The following TLL1 variants were observed in gnomAD, a reference collection of about 807,000 sequenced individuals.
The protein encoded by TLL1 is tolloid like 1.
In TLL1, 49 loss-of-function variants were observed where a neutral mutation model predicts 128.2. The ratio of observed to expected loss-of-function variants is 0.38; its 90% CI spans 0.30 to 0.48. The LOEUF is 0.48. TLL1 is among the 20% of genes least tolerant of loss of function. The pLI is 0.96. For synonymous variants in TLL1, 454 were observed against 418.8 expected (o/e 1.08, Z -1.03); for missense variants, 1,123 against 1,242.0 (o/e 0.90, Z 1.44).
At chr4:165,961,992 T>C (rs907607546) in intron 1 of TLL1, among the ~76,000 whole-genome samples, 1 of 151,986 alleles carries the variant, frequency 6.6e-6, no homozygotes, top group African/African-American at 2.4e-5. Flanking sequence ...GAAGAAAAAC[T>C]AAGAAATGTT....
chr4:166,074,409 A>G (rs1024631822), intron 16 of TLL1, among the ~76,000 whole-genome samples: 1 of 151,902 alleles, frequency 6.6e-6, no homozygotes. Flanking sequence ...GTGATTACAT[A>G]CAAATCTTGG....
intron 8 of TLL1, among the ~76,000 whole-genome samples, chr4:166,015,375 C>T (rs953471331): frequency 3.3e-5 from 5 of 151,958 alleles, no homozygotes; most frequent in Non-Finnish European, 7.4e-5. Context: ...TACAATAAAA[C>T]AATAACTATA....
chr4:166,057,083 T>C, intron 13 of TLL1, 101 bp from the exon 14 acceptor site: 1 of 1,367,168 alleles, frequency 7.3e-7, no homozygotes, highest in South Asian at 1.2e-5. Context: ...TTGGGAGATA[T>C]CATTCAAGGT....
At chr4:166,004,210 G>T (rs979924599) in intron 6 of TLL1, among the ~76,000 whole-genome samples, 4 of 151,886 alleles carry the variant, frequency 2.6e-5, no homozygotes, top group Admixed American at 1.3e-4. Flanking sequence ...TAACTTTTAC[G>T]TGCATAAAGA....
intron 1 of TLL1, among the ~76,000 whole-genome samples, chr4:165,968,140 G>T (rs1165322658): frequency 6.6e-6 from 1 of 152,170 alleles, no homozygotes; most frequent in South Asian, 2.1e-4. Context: ...AACTTTCTAT[G>T]AGCGTTTTAC....
intron 1 of TLL1, among the ~76,000 whole-genome samples, chr4:165,967,035 G>A (rs1239610708): frequency 6.6e-6 from 1 of 152,128 alleles, no homozygotes; most frequent in Admixed American, 6.5e-5. Flanking sequence ...GACATTCCCA[G>A]AGCAGCCAGT....
At chr4:165,995,249 G>T in intron 5 of TLL1, 71 bp downstream of exon 5, 15 of 1,116,608 alleles carry the variant, frequency 1.3e-5, no homozygotes, top group Non-Finnish European at 2.0e-5. Flanking sequence ...AATGTCCATA[G>T]GTAAGATTTA....
chr4:166,065,984 A>AC lies in TLL1; in HGVS notation c.2188+122dup. The AC allele has an allele frequency of 5.8e-6, 4 of 684,058 alleles. 1 individual carries two copies. Among genetic ancestry groups the AC allele is most frequent in the Non-Finnish European group, 4.9e-6 (2 of 411,930 alleles). 42.4% of individuals were successfully genotyped at this position (684,058 alleles called of 1,614,324 possible). On this transcript the variant is annotated intron_variant, in intron 16 of 20. Transcript: ENST00000061240. ...TGCAACTTGAAGATAAGTAGGCCTT[A>AC]CAAACAACACAAAAATAATTATAGC...
At chr4:165,913,263 T>C (rs917518573) in intron 1 of TLL1, among the ~76,000 whole-genome samples, 2 of 152,188 alleles carry the variant, frequency 1.3e-5, no homozygotes, top group African/African-American at 4.8e-5. Flanking sequence ...ATTCTAAGAA[T>C]CTCAATAGGT....
intron 1 of TLL1, among the ~76,000 whole-genome samples, chr4:165,894,010 C>T (rs1261932698): frequency 6.6e-6 from 1 of 152,034 alleles, no homozygotes; most frequent in Non-Finnish European, 1.5e-5. Context: ...TCAAAAAATC[C>T]TGGAAACAAT....
In TLL1 at chr4:166,104,327, A is replaced by T. The variant is rs1742419930; in HGVS notation, c.*3451A>T. Among the ~76,000 whole-genome samples the T allele has an allele frequency of 6.6e-6, 1 of 151,988 alleles. No homozygotes were observed. The highest frequency in any genetic ancestry group is 1.5e-5 in the Non-Finnish European group (1 of 67,912). On this transcript the variant is annotated 3_prime_UTR_variant, in exon 21 of 21. Coordinates refer to ENST00000061240, the MANE Select transcript of TLL1 (RefSeq NM_012464.5). Reference sequence around the variant, plus strand: ...TGTGACATTATAACTTACTTAAAACAGTTATCAAATATTTGGAAACTATTG... The same window carrying T: ...TGTGACATTATAACTTACTTAAAACTGTTATCAAATATTTGGAAACTATTG...
At chr4:165,941,334 TGTC>T (rs1450218576) in intron 1 of TLL1, among the ~76,000 whole-genome samples, 1 of 152,018 alleles carries the variant, frequency 6.6e-6, no homozygotes. Context: ...AAATTGAACT[TGTC>T]GTAATGATGA....
intron 1 of TLL1, among the ~76,000 whole-genome samples, chr4:165,897,085 G>C (rs996739757): frequency 6.6e-6 from 1 of 151,540 alleles, no homozygotes; most frequent in African/African-American, 2.4e-5. Context: ...CCCACTTCTT[G>C]ATTTTTTTTT....
chr4:166,066,974 A>G (rs1052303016), intron 16 of TLL1, among the ~76,000 whole-genome samples: 2 of 151,830 alleles, frequency 1.3e-5, no homozygotes, highest in African/African-American at 4.8e-5. Flanking sequence ...TCCCATGGTT[A>G]GGTAGAGACA....
intron 1 of TLL1, among the ~76,000 whole-genome samples, chr4:165,939,973 C>T (rs72972208): frequency 0.036 from 5,451 of 152,008 alleles, 293 homozygotes; most frequent in African/African-American, 0.12. Context: ...TCTTTTAAAT[C>T]TTGCATTCTC....
At chr4:165,933,733 C>T (rs1733638037) in intron 1 of TLL1, among the ~76,000 whole-genome samples, 1 of 152,098 alleles carries the variant, frequency 6.6e-6, no homozygotes, top group South Asian at 2.1e-4. Context: ...ACCACACCAC[C>T]TCAGAGCAGG....
At chr4:165,883,182 G>T (rs999846019) in intron 1 of TLL1, among the ~76,000 whole-genome samples, 1 of 152,104 alleles carries the variant, frequency 6.6e-6, no homozygotes, top group Non-Finnish European at 1.5e-5. Flanking sequence ...TCTTGTTCTT[G>T]TATTGAATGG....
chr4:165,875,005 T>G (rs932736490), intron 1 of TLL1: 2 of 152,416 alleles, frequency 1.3e-5, no homozygotes, highest in Non-Finnish European at 2.9e-5. Flanking sequence ...GGTTCCTTGC[T>G]CTATTGGGCT....
chr4:166,040,514 C>T (rs1219698732), intron 10 of TLL1, among the ~76,000 whole-genome samples: 1 of 152,214 alleles, frequency 6.6e-6, no homozygotes. Flanking sequence ...TTACATGGCT[C>T]AATGTATAAT....
Sources: allele counts gnomAD v4.1 joint callset (sites outside exome capture counted in the v4.1 genomes callset), GRCh38; gene constraint gnomAD v4.1.1; transcripts MANE v1.5; gene names NCBI Gene and HGNC (gene_info 2026-07-23, HGNC 2026-07-21).